The following SLC4A5 variants were observed in gnomAD, a reference collection of about 807,000 sequenced individuals.
The protein encoded by SLC4A5 is solute carrier family 4 member 5, also known as electrogenic sodium bicarbonate cotransporter 4.
A neutral mutation model predicts 120.4 loss-of-function variants in SLC4A5; 96 were observed. The observed-to-expected ratio is 0.80, with a 90% CI of 0.68 to 0.94. SLC4A5 has a LOEUF of 0.94. Among genes scored for constraint, SLC4A5 ranks in the 40% least tolerant of loss-of-function variants. The pLI, the probability that SLC4A5 is intolerant of heterozygous loss-of-function variation, is 0.00. For missense variants in SLC4A5, 1,259 were observed against 1,459.5 expected (o/e 0.86, Z 2.24); for synonymous variants, 550 against 571.1 (o/e 0.96, Z 0.53).
intron 26 of SLC4A5, 23 bp from the exon 27 acceptor site, chr2:74,227,153 G>T: frequency 6.3e-7 from 1 of 1,584,206 alleles, no homozygotes. Context: ...CGGGGGCTCA[G>T]CCAGGCAGCC....
chr2:74,272,497 A>G (rs1405868170), intron 8 of SLC4A5, among the ~76,000 whole-genome samples: 6 of 152,204 alleles, frequency 3.9e-5, no homozygotes, highest in Non-Finnish European at 8.8e-5. Flanking sequence ...AAAGTGGGGT[A>G]TTAGAGTTGG....
intron 22 of SLC4A5, among the ~76,000 whole-genome samples, chr2:74,234,422 C>T (rs1300617126): frequency 2.6e-5 from 4 of 152,186 alleles, no homozygotes; most frequent in Admixed American, 2.6e-4. Flanking sequence ...CATGATCCGC[C>T]CACCTCGGCC....
At chr2:74,260,847 G>C (rs183735783) in intron 11 of SLC4A5, among the ~76,000 whole-genome samples, 1 of 152,296 alleles carries the variant, frequency 6.6e-6, no homozygotes, top group Admixed American at 6.5e-5. Context: ...TAAAACCCGG[G>C]TTCTTTTGCT....
chr2:74,239,427 G>A (rs751284155), exon 21 of SLC4A5: 64 of 1,614,110 alleles, frequency 4.0e-5, no homozygotes, highest in Non-Finnish European at 5.4e-5. Context: ...ATGAGCGCCA[G>A]GTCTGGGATA....
intron 6 of SLC4A5, chr2:74,306,866 C>T: frequency 1.6e-6 from 1 of 634,654 alleles, no homozygotes; most frequent in Non-Finnish European, 2.9e-6. Flanking sequence ...TGCCATCTTC[C>T]AGCAGGCAGT....
chr2:74,244,508 C>G (rs1670548522), intron 19 of SLC4A5, among the ~76,000 whole-genome samples: 1 of 143,808 alleles, frequency 7.0e-6, no homozygotes, highest in Non-Finnish European at 1.5e-5. Flanking sequence ...TCCTTCTTTT[C>G]TTTCCCCTTT....
At chr2:74,264,542 C>T (rs1290841926) in intron 9 of SLC4A5, among the ~76,000 whole-genome samples, 8 of 138,096 alleles carry the variant, frequency 5.8e-5, no homozygotes, top group African/African-American at 1.2e-4. Context: ...TGTCAATGTT[C>T]TTATGAAAAG....
intron 7 of SLC4A5, chr2:74,290,814 GC>G: frequency 1.0e-6 from 1 of 967,506 alleles, no homozygotes; most frequent in Non-Finnish European, 1.2e-6. Context: ...TGGCAAAACT[GC>G]CCCTTTACCC....
intron 24 of SLC4A5, among the ~76,000 whole-genome samples, chr2:74,231,561 G>T (rs887361904): frequency 6.6e-6 from 1 of 152,210 alleles, no homozygotes; most frequent in African/African-American, 2.4e-5. Context: ...TGTAGCTGGG[G>T]GGCTTGAGCA....
At chr2:74,233,690 C>T (rs2103919375) in intron 22 of SLC4A5, 127 bp from the exon 23 acceptor site, 1 of 1,078,924 alleles carries the variant, frequency 9.3e-7, no homozygotes, top group Non-Finnish European at 1.3e-6. Context: ...GCAATCTTTT[C>T]CCTTAAACAC....
At chr2:74,311,938 G>A (rs529852883) in intron 6 of SLC4A5, among the ~76,000 whole-genome samples, 26 of 152,060 alleles carry the variant, frequency 1.7e-4, no homozygotes, top group Middle Eastern at 3.4e-3. Flanking sequence ...TTGTCTGTTC[G>A]TCTTCAGTTT....
At chr2:74,307,056 C>G in intron 6 of SLC4A5, 1 of 567,190 alleles carries the variant, frequency 1.8e-6, no homozygotes, top group Non-Finnish European at 3.3e-6. Context: ...CAGGCTGTTT[C>G]CCAAGCTGAC....
chr2:74,233,098 G>C (rs932560727), intron 23 of SLC4A5, among the ~76,000 whole-genome samples: 1 of 152,174 alleles, frequency 6.6e-6, no homozygotes, highest in African/African-American at 2.4e-5. Flanking sequence ...GTTCTAGGCT[G>C]AGCCCCTGTC....
At chr2:74,222,348 C>T (rs904564840) in intron 29 of SLC4A5, among the ~76,000 whole-genome samples, 2 of 152,246 alleles carry the variant, frequency 1.3e-5, no homozygotes, top group Admixed American at 6.5e-5. Context: ...GAGAATTAGT[C>T]GAGTCTGCAG....
exon 15 of SLC4A5, chr2:74,253,050 T>C (rs1670843468): frequency 2.5e-6 from 4 of 1,614,232 alleles, no homozygotes; most frequent in Non-Finnish European, 2.5e-6. Context: ...GGAAGGACGA[T>C]GACCTCATCC....
At chr2:74,304,372 G>T in intron 7 of SLC4A5, 117 bp downstream of exon 7, 1 of 1,100,798 alleles carries the variant, frequency 9.1e-7, no homozygotes, top group Non-Finnish European at 1.3e-6. Context: ...AGAGAGGTTA[G>T]GCTGAGCCAT....
rs200543768 is a variant in SLC4A5 at position 74,219,996 on chromosome 2, C to T, written c.*34-1204G>A. 9.2e-5 allele frequency among the ~76,000 whole-genome samples: 14 copies of T among 152,242 alleles called. No individual in the cohort carries two copies. The East Asian group carries it at 1.4e-3, about 15-fold the overall frequency. On this transcript the variant is annotated intron_variant, in intron 30 of 30. Coordinates refer to ENST00000394019, the Ensembl canonical transcript of SLC4A5. ...TTATAATTCAGAAGATCCCCTGCCC[C>T]GTTTCCCCAAAAATCTCTTGGATGA...
chr2:74,265,097 G>A lies in SLC4A5; in HGVS notation c.562+7C>T. On this transcript the variant is annotated splice_region_variant and intron_variant, in intron 9 of 30. Transcript: ENST00000394019. ...AGGAGAGATGCACACAGTGGCCCCT[G>A]CCTCACCTATGATCTGTGGTAAGGA... is the stretch of plus-strand genomic sequence containing the variant. 6.2e-7 allele frequency: 1 copy of A among 1,611,164 alleles called. No individual in the cohort carries two copies. Among genetic ancestry groups the A allele is most frequent in the Non-Finnish European group, 8.5e-7 (1 of 1,178,054 alleles).
At chr2:74,244,803 A>G (rs1670559467) in intron 19 of SLC4A5, among the ~76,000 whole-genome samples, 1 of 152,140 alleles carries the variant, frequency 6.6e-6, no homozygotes, top group Non-Finnish European at 1.5e-5. Context: ...ATTTCTAACA[A>G]GTTCCCTGAT....
Sources: allele counts gnomAD v4.1 joint callset (sites outside exome capture counted in the v4.1 genomes callset), GRCh38; gene constraint gnomAD v4.1.1; transcripts MANE v1.5; gene names NCBI Gene and HGNC (gene_info 2026-07-23, HGNC 2026-07-21).